Variants in NAV1 observed in about 807,000 individuals in gnomAD.
NAV1 encodes pore membrane and/or filament interacting like protein 3.
A neutral mutation model predicts 175.2 loss-of-function variants in NAV1; 18 were observed. The observed-to-expected ratio is 0.10, with a 90% CI of 0.07 to 0.15. NAV1 has a LOEUF of 0.15. Among genes scored for constraint, NAV1 ranks in the 10% least tolerant of loss-of-function variants. NAV1 has a pLI of 1.00. For synonymous variants in NAV1, 897 were observed against 978.7 expected, an observed-to-expected ratio of 0.92 and a Z score of 1.56; for missense variants, 1,731 against 2,436.6, an observed-to-expected ratio of 0.71 and a Z score of 6.10.
At chr1:201,821,549 CACAA>C (rs1679380603) in exon 30 of NAV1, 1 of 136,876 alleles carries the variant, frequency 7.3e-6, no homozygotes, top group Non-Finnish European at 1.6e-5. Flanking sequence ...CACACACACA[CACAA>C]GACCTGGGCC....
At chr1:201,605,588 C>G (rs568472540) in intron 2 of NAV1, among the ~76,000 whole-genome samples, 1 of 152,144 alleles carries the variant, frequency 6.6e-6, no homozygotes, top group Non-Finnish European at 1.5e-5. Flanking sequence ...ATGAGAGCCA[C>G]GGGCATTTTT....
upstream of NAV1, among the ~76,000 whole-genome samples, chr1:201,648,016 C>A (rs936493422): frequency 4.0e-5 from 6 of 151,462 alleles, no homozygotes; most frequent in East Asian, 7.8e-4. Flanking sequence ...CCCTACCCCC[C>A]ACTCATCCGC....
At chr1:201,822,286 A>C (rs1310811304) in exon 30 of NAV1, 1 of 152,752 alleles carries the variant, frequency 6.5e-6, no homozygotes, top group African/African-American at 2.4e-5. Flanking sequence ...TGGCTGTTCT[A>C]ACTTAGAAGG....
At chr1:201,724,716 C>G (rs1672528825) in intron 3 of NAV1, 1 of 152,702 alleles carries the variant, frequency 6.5e-6, no homozygotes, top group African/African-American at 2.4e-5. Flanking sequence ...GTGTCGGGAA[C>G]AGAAGGATTC....
At position 201,801,855 on chromosome 1, in the gene NAV1, G is replaced by C. The variant is rs555913041; in HGVS notation, c.3518-1738G>C. On this transcript the variant is annotated intron_variant, in intron 15 of 29. Coordinates refer to ENST00000367296, the Ensembl canonical transcript of NAV1. ...ATTTCATTTAAAAGACATTGAGGGG[G>C]CCAAGCACGGTAGCTCACCCCTGTA... 2.1e-3 allele frequency among the ~76,000 whole-genome samples: 313 copies of C among 151,996 alleles called. 1 individual carries two copies. The highest frequency in any genetic ancestry group is 4.0e-3 in the Non-Finnish European group (272 of 67,958).
chr1:201,582,491 C>T (rs936030361), intron 1 of NAV1, among the ~76,000 whole-genome samples: 1 of 152,194 alleles, frequency 6.6e-6, no homozygotes, highest in Non-Finnish European at 1.5e-5. Context: ...TCCTTTCCTC[C>T]AGTGCCTCCT....
intron 15 of NAV1, among the ~76,000 whole-genome samples, chr1:201,803,036 C>A (rs1678041408): frequency 6.6e-6 from 1 of 152,206 alleles, no homozygotes; most frequent in Non-Finnish European, 1.5e-5. Flanking sequence ...CAGACATCTC[C>A]TTTGTTAACC....
exon 30 of NAV1, chr1:201,821,834 G>A (rs1477031368): frequency 6.6e-6 from 1 of 152,206 alleles, no homozygotes; most frequent in Admixed American, 6.5e-5. Flanking sequence ...TCTAGGCTGA[G>A]CTGCCTAGTA....
chr1:201,684,475 CTTT>C (rs71138346), intron 1 of NAV1, among the ~76,000 whole-genome samples: 2 of 127,872 alleles, frequency 1.6e-5, no homozygotes, highest in Non-Finnish European at 1.6e-5. Flanking sequence ...TTTATGCAGC[CTTT>C]TTTTTTTTTT....
At chr1:201,572,291 G>A (rs1179078268) in intron 1 of NAV1, among the ~76,000 whole-genome samples, 1 of 152,122 alleles carries the variant, frequency 6.6e-6, no homozygotes, top group Non-Finnish European at 1.5e-5. Flanking sequence ...AGTTCCCTGA[G>A]AGCAGCATTG....
rs144676054 is a variant in NAV1 at position 201,810,054 on chromosome 1, G to A, written c.4510G>A (p.Glu1504Lys). ...ACGAGTGTTGGATGCAGAGCCCCCC[G>A]AGATGCCTCCTTGCCGTCGAGGTGT... Residue 1504 changes from glutamate to lysine, a missense_variant, in exon 23 of 30, where the codon GAG becomes AAG. This residue lies in a region of NAV1 where 36 missense variants were observed against 45.3 expected (regional missense o/e 0.80). Coordinates refer to ENST00000367296, the Ensembl canonical transcript of NAV1. This position sits in a 1 kb window ranked among gnomAD's most constrained non-coding sequence, Gnocchi z 6.0. The A allele has an allele frequency of 1.4e-5, 23 of 1,613,846 alleles. No individual in the cohort carries two copies. Among genetic ancestry groups the A allele is most frequent in the Middle Eastern group, 1.6e-4 (1 of 6,082 alleles).
intron 3 of NAV1, among the ~76,000 whole-genome samples, chr1:201,759,824 G>A (rs1198515272): frequency 1.3e-5 from 2 of 152,062 alleles, no homozygotes; most frequent in Non-Finnish European, 2.9e-5. Flanking sequence ...CTACCTTCTC[G>A]TGACCACTTC....
At chr1:201,686,023 G>A (rs779126277) in intron 1 of NAV1, among the ~76,000 whole-genome samples, 13 of 152,186 alleles carry the variant, frequency 8.5e-5, no homozygotes, top group Non-Finnish European at 1.6e-4. Flanking sequence ...AGATCAACAT[G>A]ACAAGATGTT....
chr1:201,585,688 A>G (rs1667005912), intron 1 of NAV1, among the ~76,000 whole-genome samples: 1 of 152,200 alleles, frequency 6.6e-6, no homozygotes, highest in Non-Finnish European at 1.5e-5. Context: ...ATATATATAA[A>G]TGGACCACAA....
intron 1 of NAV1, among the ~76,000 whole-genome samples, chr1:201,546,062 C>T (rs994346755): frequency 6.6e-6 from 1 of 152,190 alleles, no homozygotes; most frequent in African/African-American, 2.4e-5. Flanking sequence ...TCCTGCTTTT[C>T]CTTTAACAAA....
intron 13 of NAV1, 107 bp from the exon 18 acceptor site, chr1:201,793,685 G>T: frequency 1.1e-6 from 1 of 939,486 alleles, no homozygotes; most frequent in Non-Finnish European, 1.7e-6. Context: ...GCTGGCATTG[G>T]TCAGCTCCGA....
exon 1 of NAV1, chr1:201,623,366 C>T: frequency 2.0e-6 from 2 of 985,936 alleles, no homozygotes; most frequent in Non-Finnish European, 2.4e-6. Context: ...ATACCAGGGG[C>T]TCCGGAAGGT....
chr1:201,721,658 T>A (rs2102492979), intron 3 of NAV1, among the ~76,000 whole-genome samples: 1 of 152,306 alleles, frequency 6.6e-6, no homozygotes, highest in African/African-American at 2.4e-5. Flanking sequence ...CTTCAGCGCT[T>A]CCCTCCACAC....
At chr1:201,710,171 A>G (rs1181770930) in intron 1 of NAV1, among the ~76,000 whole-genome samples, 1 of 152,106 alleles carries the variant, frequency 6.6e-6, no homozygotes, top group Non-Finnish European at 1.5e-5. Context: ...TAAAAAAAAA[A>G]AAAAAAGACA....
Sources: gnomAD v4.1 joint callset for allele counts (sites outside exome capture counted in the v4.1 genomes callset) on GRCh38, gnomAD v4.1.1 for gene constraint, gnomAD v4.1.1 regional missense constraint, Gnocchi (gnomAD v3.1) non-coding constraint, MANE v1.5 for transcripts, NCBI Gene and HGNC (gene_info 2026-07-23, HGNC 2026-07-21) for gene names.